Variants in PTPN14 observed in about 807,000 individuals in gnomAD.
The protein encoded by PTPN14 is tyrosine-protein phosphatase non-receptor type 14.
PTPN14 carries 53 observed loss-of-function variants against 126.8 expected under a neutral mutation model. The ratio of observed to expected loss-of-function variants is 0.42; its 90% CI spans 0.34 to 0.53. The LOEUF (loss-of-function observed/expected upper bound fraction) is 0.53, where lower values mean the gene tolerates loss of function less well. Among genes scored for constraint, PTPN14 ranks in the 20% least tolerant of loss-of-function variants. PTPN14 has a pLI of 0.08. For synonymous variants in PTPN14, 630 were observed against 599.3 expected (o/e 1.05, Z -0.75); for missense variants, 1,257 against 1,552.9 (o/e 0.81, Z 3.20).
chr1:214,497,875 T>C (rs575385130), intron 1 of PTPN14, among the ~76,000 whole-genome samples: 1 of 152,262 alleles, frequency 6.6e-6, no homozygotes, highest in South Asian at 2.1e-4. Flanking sequence ...TATAAAACTA[T>C]ATCAGCATGT....
At position 214,469,707 on chromosome 1, in the gene PTPN14, G is replaced by A. The variant is rs181281689; in HGVS notation, c.-154-4750C>T. Among the ~76,000 whole-genome samples the A allele has an allele frequency of 7.4e-3, 1,124 of 151,426 alleles. 6 individuals carry two copies. The highest frequency in any genetic ancestry group is 9.4e-3 in the Non-Finnish European group (638 of 67,940). On this transcript the variant is annotated intron_variant, in intron 1 of 18. Coordinates refer to ENST00000366956, the MANE Select transcript of PTPN14 (RefSeq NM_005401.5). The stretch of plus-strand genomic sequence containing the variant: ...TCCATTAAAAATAAAAAGTCAGAGT[G>A]AGCCCTAATGGAAACTATGGACTTT...
At chr1:214,452,201 T>C (rs570684189) in intron 2 of PTPN14, among the ~76,000 whole-genome samples, 3 of 152,312 alleles carry the variant, frequency 2.0e-5, no homozygotes, top group East Asian at 3.9e-4. Context: ...ATTACTACTG[T>C]TTGTGCTTGC....
At chr1:214,395,588 A>AAC (rs57357032) in intron 8 of PTPN14, among the ~76,000 whole-genome samples, 31,517 of 132,246 alleles carry the variant, frequency 0.24, 3,752 homozygotes, top group Non-Finnish European at 0.28. Flanking sequence ...GGGACCCAAC[A>AAC]ACACACACAC....
chr1:214,426,503 C>CT (rs1305227909), intron 3 of PTPN14, among the ~76,000 whole-genome samples: 1 of 151,460 alleles, frequency 6.6e-6, no homozygotes, highest in Non-Finnish European at 1.5e-5. Flanking sequence ...ACATAGTAAA[C>CT]TTTAAGTTAG....
chr1:214,383,560 C>T lies in PTPN14; in HGVS notation c.2295G>A (p.Arg765=), dbSNP rs1289489305. The change falls in exon 13 of 19, where the codon AGG becomes AGA. Residue 765 remains arginine, a synonymous_variant. Coordinates refer to ENST00000366956, the MANE Select transcript of PTPN14 (RefSeq NM_005401.5). The surrounding 1 kb of genome is among the most constrained non-coding windows in gnomAD (Gnocchi z 4.4). ...CGGGAGGAAGGCTGGCTTGGTCCTG[C>T]CTCAGAGCCCCATTGCTCACACTCT... The part of the protein sequence containing the change: ...PRKSVSNGAL[R]QDQASLPPAM... The T allele has an allele frequency of 1.2e-6, 2 of 1,613,808 alleles. No individual in the cohort carries two copies. Among genetic ancestry groups the T allele is most frequent in the Non-Finnish European group, 8.5e-7 (1 of 1,179,944 alleles).
intron 1 of PTPN14, among the ~76,000 whole-genome samples, chr1:214,523,906 G>A (rs1308307287): frequency 1.3e-5 from 2 of 149,148 alleles, no homozygotes; most frequent in Non-Finnish European, 3.0e-5. Context: ...CTGGAGTGCA[G>A]TGGTACAATC....
intron 1 of PTPN14, among the ~76,000 whole-genome samples, chr1:214,547,095 C>T (rs1347913073): frequency 2.6e-5 from 4 of 152,160 alleles, no homozygotes; most frequent in Admixed American, 2.6e-4. Flanking sequence ...GTCCTTCATC[C>T]ACAAGCATTG....
At chr1:214,536,346 T>C (rs1195645880) in intron 1 of PTPN14, among the ~76,000 whole-genome samples, 1 of 151,872 alleles carries the variant, frequency 6.6e-6, no homozygotes, top group African/African-American at 2.4e-5. Context: ...AATTCAAGGT[T>C]GCAGTGAGCT....
intron 18 of PTPN14, among the ~76,000 whole-genome samples, chr1:214,360,051 A>T (rs1657918733): frequency 1.3e-5 from 2 of 152,158 alleles, no homozygotes; most frequent in Non-Finnish European, 2.9e-5. Context: ...TGAGCTGTGG[A>T]GGCCATGGTG....
intron 1 of PTPN14, among the ~76,000 whole-genome samples, chr1:214,543,985 C>T (rs1238270572): frequency 1.3e-5 from 2 of 152,214 alleles, no homozygotes; most frequent in African/African-American, 4.8e-5. Context: ...GTCATCATGG[C>T]TATGGCTACC....
chr1:214,370,280 CAAAAAAAAA>C (rs561271706), intron 16 of PTPN14, among the ~76,000 whole-genome samples: 1 of 97,460 alleles, frequency 1.0e-5, no homozygotes, highest in Non-Finnish European at 2.0e-5. Context: ...GATTCCATCT[CAAAAAAAAA>C]AAAAAAAGAA....
intron 2 of PTPN14, among the ~76,000 whole-genome samples, chr1:214,453,929 C>G (rs1660327486): frequency 6.6e-6 from 1 of 152,202 alleles, no homozygotes; most frequent in Non-Finnish European, 1.5e-5. Flanking sequence ...ATGCTATCCT[C>G]TGAGATCTAT....
intron 1 of PTPN14, chr1:214,532,464 C>G: frequency 1.2e-6 from 1 of 834,268 alleles, no homozygotes; most frequent in South Asian, 1.3e-5. Flanking sequence ...GGCCTCCTAC[C>G]TGGACAGACT....
chr1:214,463,695 C>A (rs12084476), intron 2 of PTPN14, among the ~76,000 whole-genome samples: 2 of 152,170 alleles, frequency 1.3e-5, no homozygotes, highest in African/African-American at 4.8e-5. Context: ...CTTCTGTCAT[C>A]GAGGTCCTGG....
At chr1:214,433,374 T>TG (rs780283480) in intron 3 of PTPN14, among the ~76,000 whole-genome samples, 1 of 151,636 alleles carries the variant, frequency 6.6e-6, no homozygotes, top group Non-Finnish European at 1.5e-5. Context: ...CATGAGGAAG[T>TG]GGGGGGCTCT....
intron 1 of PTPN14, among the ~76,000 whole-genome samples, chr1:214,500,012 T>A (rs1414949260): frequency 6.6e-6 from 1 of 151,564 alleles, no homozygotes; most frequent in Non-Finnish European, 1.5e-5. Flanking sequence ...CAACATCATC[T>A]AGAATGAGAA....
chr1:214,411,182 AT>A (rs369235597), intron 5 of PTPN14, among the ~76,000 whole-genome samples: 5 of 150,920 alleles, frequency 3.3e-5, no homozygotes, highest in African/African-American at 7.3e-5. Context: ...ACTCCTAGGT[AT>A]TTTTTTTTAA....
intron 3 of PTPN14, among the ~76,000 whole-genome samples, chr1:214,437,166 TTTTA>T (rs1367451352): frequency 1.4e-4 from 22 of 152,210 alleles, no homozygotes; most frequent in Non-Finnish European, 2.1e-4. Context: ...GCTGAAATTA[TTTTA>T]TTTTTTTCTT....
Position 214,384,048 on chromosome 1 carries a change from G to A in PTPN14, c.1807C>T (p.Gln603Ter), listed in dbSNP as rs759810971. Residue 603 changes from glutamine (Q) to a stop codon, truncating the protein, a stop_gained, in exon 13 of 19, where the codon CAG (glutamine) becomes TAG (stop). Coordinates refer to ENST00000366956, the MANE Select transcript of PTPN14 (RefSeq NM_005401.5). LOFTEE classifies it high-confidence loss of function. This position sits in a 1 kb window ranked among gnomAD's most constrained non-coding sequence, Gnocchi z 5.3. ...TCTTGGAAGGTCTTCACCGAGAGCTGCACCTTCCGGGTCACCAGGTCCGGG... is the reference window on the plus strand; with the variant it reads ...TCTTGGAAGGTCTTCACCGAGAGCTACACCTTCCGGGTCACCAGGTCCGGG... ...SSPDLVTRKV[Q>*]LSVKTFQEDS... The A allele has an allele frequency of 6.3e-7, 1 of 1,587,980 alleles. No individual in the cohort carries two copies. Among genetic ancestry groups the A allele is most frequent in the Non-Finnish European group, 8.5e-7 (1 of 1,169,764 alleles).
Sources: gnomAD v4.1 joint callset for allele counts (sites outside exome capture counted in the v4.1 genomes callset) on GRCh38, gnomAD v4.1.1 for gene constraint, Gnocchi (gnomAD v3.1) non-coding constraint, MANE v1.5 for transcripts, NCBI Gene and HGNC (gene_info 2026-07-23, HGNC 2026-07-21) for gene names.